The following NUDT19 variants were observed in gnomAD, a reference collection of about 807,000 sequenced individuals.
NUDT19 encodes acyl-coenzyme A diphosphatase NUDT19.
Under a neutral mutation model 22.2 loss-of-function variants are expected in NUDT19, and 31 were observed. The observed-to-expected ratio is 1.40, with a 90% CI of 1.05 to 1.89. The LOEUF (loss-of-function observed/expected upper bound fraction) is 1.89. NUDT19 is among the 40% of genes most tolerant of loss of function. NUDT19 has a pLI of 0.00. For missense variants in NUDT19, 752 were observed against 514.2 expected (o/e 1.46, Z -4.47); for synonymous variants, 325 against 230.8 (o/e 1.41, Z -3.70).
intron 1 of NUDT19, among the ~76,000 whole-genome samples, chr19:32,704,574 T>A (rs1219907538): frequency 6.6e-6 from 1 of 152,142 alleles, no homozygotes; most frequent in Non-Finnish European, 1.5e-5. Context: ...GCAGGTAATA[T>A]TTTTTATTTC....
chr19:32,700,735 T>G (rs1968326130), intron 1 of NUDT19, among the ~76,000 whole-genome samples: 1 of 152,190 alleles, frequency 6.6e-6, no homozygotes, highest in South Asian at 2.1e-4. Flanking sequence ...CTGGCCAGTT[T>G]CAGTCTTTTA....
chr19:32,705,477 T>C (rs1035244191), intron 1 of NUDT19, among the ~76,000 whole-genome samples: 1 of 152,104 alleles, frequency 6.6e-6, no homozygotes, highest in Non-Finnish European at 1.5e-5. Flanking sequence ...TAGCAAGCAG[T>C]TAAGTGATTG....
In NUDT19 at chr19:32,711,960, T is replaced by G. The variant is rs1375972001; in HGVS notation, c.*3T>G. 1.9e-6 allele frequency: 3 copies of G among 1,598,514 alleles called. No homozygotes were observed. Among genetic ancestry groups the G allele is most frequent in the African/African-American group, 1.3e-5 (1 of 74,592 alleles). On this transcript the variant is annotated 3_prime_UTR_variant, in exon 3 of 3. Transcript: ENST00000397061. ...TAGTAAGAAAAAGCCATTTGTAGGGTGCTTAAGCTTGTTTGTAAAATGGCC... is the reference window on the plus strand; with the variant it reads ...TAGTAAGAAAAAGCCATTTGTAGGGGGCTTAAGCTTGTTTGTAAAATGGCC...
intron 2 of NUDT19, among the ~76,000 whole-genome samples, chr19:32,711,026 C>T (rs376212073): frequency 4.6e-5 from 7 of 152,076 alleles, no homozygotes; most frequent in African/African-American, 1.7e-4. Flanking sequence ...ATATCAAGGC[C>T]AATCTTAATA....
Position 32,692,305 on chromosome 19 carries a change from T to C in NUDT19, c.345T>C (p.Thr115=). The change falls in exon 1 of 3, where the codon ACT becomes ACC. Residue 115 remains threonine (T), a synonymous_variant. Transcript: ENST00000397061. ...PDTDDHKTDN[T]GTLPEDVAFR... The stretch of plus-strand genomic sequence containing the variant: ...CCGATGACCACAAGACCGACAACAC[T>C]GGGACGCTGCCTGAGGACGTAGCCT... The C allele has an allele frequency of 6.3e-7, 1 of 1,592,868 alleles. No homozygotes were observed. The highest frequency in any genetic ancestry group is 1.4e-5 in the African/African-American group (1 of 73,788).
chr19:32,710,135 C>T (rs900035227), intron 2 of NUDT19, among the ~76,000 whole-genome samples: 1 of 151,724 alleles, frequency 6.6e-6, no homozygotes, highest in Non-Finnish European at 1.5e-5. Context: ...CCTCAGCCTC[C>T]CGAGTAGCTG....
intron 1 of NUDT19, among the ~76,000 whole-genome samples, chr19:32,695,463 T>G (rs1968252008): frequency 6.6e-6 from 1 of 152,150 alleles, no homozygotes; most frequent in South Asian, 2.1e-4. Flanking sequence ...CAGGCATGAA[T>G]TATATATTTT....
intron 1 of NUDT19, among the ~76,000 whole-genome samples, chr19:32,704,343 C>T (rs2145364783): frequency 6.6e-6 from 1 of 151,996 alleles, no homozygotes; most frequent in South Asian, 2.1e-4. Flanking sequence ...CTCACTGCAA[C>T]CTCTGCCTCC....
At chr19:32,703,648 CTTTTTTTTTTTTTTTT>C (rs60766132) in intron 1 of NUDT19, among the ~76,000 whole-genome samples, 3 of 68,344 alleles carry the variant, frequency 4.4e-5, no homozygotes, top group Non-Finnish European at 8.2e-5. Flanking sequence ...TGTGCCCAGC[CTTTTTTTTTTTTTTTT>C]TTTTTTTTTT....
In NUDT19 at chr19:32,691,858, C is replaced by T. The variant is rs1968183586; in HGVS notation, c.-103C>T. 2 of 602,846 alleles carry T rather than the reference C, an allele frequency of 3.3e-6. No individual in the cohort carries two copies. Among genetic ancestry groups the T allele is most frequent in the Middle Eastern group, 5.5e-4 (1 of 1,808 alleles). 37.3% of individuals were successfully genotyped at this position (602,846 alleles called of 1,614,324 possible). ...TCACCCAACGCCAGAGGCTCGTCCT[C>T]AATTCCCGCGAGGCCCCCGGAGGTG... is the stretch of plus-strand genomic sequence containing the variant. On this transcript the variant is annotated 5_prime_UTR_variant, in exon 1 of 3. Coordinates refer to ENST00000397061, the MANE Select transcript of NUDT19 (RefSeq NM_001105570.2).
rs1968183619 is a variant in NUDT19 at position 32,691,860 on chromosome 19, A to G, written c.-101A>G. 3.2e-6 allele frequency: 2 copies of G among 623,216 alleles called. No homozygotes were observed. The highest frequency in any genetic ancestry group is 3.9e-5 in the African/African-American group (2 of 51,740). 38.6% of individuals were successfully genotyped at this position (623,216 alleles called of 1,614,324 possible). On this transcript the variant is annotated 5_prime_UTR_variant, in exon 1 of 3. Coordinates refer to ENST00000397061, the MANE Select transcript of NUDT19 (RefSeq NM_001105570.2). ...ACCCAACGCCAGAGGCTCGTCCTCAATTCCCGCGAGGCCCCCGGAGGTGCT... is the reference window on the plus strand; with the variant it reads ...ACCCAACGCCAGAGGCTCGTCCTCAGTTCCCGCGAGGCCCCCGGAGGTGCT...
chr19:32,709,109 G>T, intron 1 of NUDT19, 76 bp from the exon 2 acceptor site: 1 of 932,326 alleles, frequency 1.1e-6, no homozygotes, highest in Non-Finnish European at 1.8e-6. Context: ...TCTACCTTAG[G>T]TACTGGTCTG....
At chr19:32,694,982 C>T (rs1204216529) in intron 1 of NUDT19, among the ~76,000 whole-genome samples, 1 of 152,158 alleles carries the variant, frequency 6.6e-6, no homozygotes, top group Non-Finnish European at 1.5e-5. Context: ...GGGGTTCCTC[C>T]TATGTCTGGT....
At chr19:32,699,389 C>A (rs911709765) in intron 1 of NUDT19, among the ~76,000 whole-genome samples, 3 of 152,200 alleles carry the variant, frequency 2.0e-5, no homozygotes, top group East Asian at 1.9e-4. Context: ...TTCATGGCTG[C>A]AGGGTCAACC....
chr19:32,692,866 CT>C (rs1296343105), intron 1 of NUDT19, among the ~76,000 whole-genome samples, 192 bp downstream of exon 1: 3 of 152,220 alleles, frequency 2.0e-5, no homozygotes, highest in African/African-American at 7.2e-5. Context: ...GTGCTCTCTG[CT>C]TTCCTAGGCT....
Position 32,691,891 on chromosome 19 carries a change from C to G in NUDT19, c.-70C>G, listed in dbSNP as rs1423456820. 9 of 876,702 alleles carry G rather than the reference C, an allele frequency of 1.0e-5. No individual in the cohort carries two copies. In the East Asian group the frequency reaches 3.3e-4, roughly 32 times the overall value. 54.3% of individuals were successfully genotyped at this position (876,702 alleles called of 1,614,324 possible). On this transcript the variant is annotated 5_prime_UTR_variant, in exon 1 of 3. Coordinates refer to ENST00000397061, the MANE Select transcript of NUDT19 (RefSeq NM_001105570.2). ...GCGAGGCCCCCGGAGGTGCTGGGGT[C>G]CCTGCAGGGCCGGGCCACCTGCCGT...
At chr19:32,697,483 A>G (rs1184739631) in intron 1 of NUDT19, among the ~76,000 whole-genome samples, 1 of 152,172 alleles carries the variant, frequency 6.6e-6, no homozygotes, top group African/African-American at 2.4e-5. Flanking sequence ...ACATCATTGA[A>G]TAATTCATGG....
intron 1 of NUDT19, 79 bp downstream of exon 1, chr19:32,692,753 G>A: frequency 1.7e-6 from 2 of 1,156,592 alleles, no homozygotes; most frequent in Non-Finnish European, 2.3e-6. Flanking sequence ...AGGCCCCCAA[G>A]GGACCCCCGC....
At chr19:32,700,080 C>A (rs1177046518) in intron 1 of NUDT19, among the ~76,000 whole-genome samples, 2 of 152,218 alleles carry the variant, frequency 1.3e-5, no homozygotes, top group African/African-American at 4.8e-5. Context: ...TGAGCAGCAG[C>A]AAGATTTATT....
Sources: allele counts gnomAD v4.1 joint callset (sites outside exome capture counted in the v4.1 genomes callset), GRCh38; gene constraint gnomAD v4.1.1; transcripts MANE v1.5; gene names NCBI Gene and HGNC (gene_info 2026-07-23, HGNC 2026-07-21).